The following TOM1L2 variants were observed in gnomAD, a reference collection of about 807,000 sequenced individuals.
TOM1L2 encodes the protein target of myb1 like 2 membrane trafficking protein, also known as TOM1-like protein 2.
TOM1L2 carries 31 observed loss-of-function variants against 67.9 expected under a neutral mutation model. The ratio of observed to expected loss-of-function variants is 0.46; its 90% CI spans 0.34 to 0.62. The LOEUF (loss-of-function observed/expected upper bound fraction) is 0.62. Among genes scored for constraint, TOM1L2 ranks in the 20% least tolerant of loss-of-function variants. The pLI is 0.01. For synonymous variants in TOM1L2, 256 were observed against 254.0 expected (o/e 1.01, Z -0.07); for missense variants, 606 against 663.5 (o/e 0.91, Z 0.95).
At chr17:17,852,864 TAAAAAA>T (rs552138706) in intron 12 of TOM1L2, among the ~76,000 whole-genome samples, 46 of 37,756 alleles carry the variant, frequency 1.2e-3, no homozygotes, top group Non-Finnish European at 1.7e-3. Flanking sequence ...AAACTCTGTC[TAAAAAA>T]AAAAAAAAAA....
chr17:17,935,689 T>TTA (rs1260692293), intron 1 of TOM1L2, among the ~76,000 whole-genome samples: 4 of 152,312 alleles, frequency 2.6e-5, no homozygotes, highest in Admixed American at 2.6e-4. Flanking sequence ...ATACACCTTA[T>TTA]TATACCATCT....
At chr17:17,864,369 C>T (rs574411279) in intron 10 of TOM1L2, among the ~76,000 whole-genome samples, 1 of 151,680 alleles carries the variant, frequency 6.6e-6, no homozygotes, top group Non-Finnish European at 1.5e-5. Flanking sequence ...CACCACCACG[C>T]CTGGCTAATT....
intron 2 of TOM1L2, among the ~76,000 whole-genome samples, chr17:17,903,182 C>T (rs187903136): frequency 6.6e-6 from 1 of 152,202 alleles, no homozygotes; most frequent in Non-Finnish European, 1.5e-5. Context: ...CCCTGCCCCC[C>T]ACCCAGCACT....
chr17:17,865,746 T>C (rs969260724), intron 10 of TOM1L2, among the ~76,000 whole-genome samples: 4 of 145,626 alleles, frequency 2.7e-5, no homozygotes, highest in African/African-American at 5.0e-5. Flanking sequence ...ACCTTTCTTT[T>C]TTTTTTTTTT....
intron 1 of TOM1L2, among the ~76,000 whole-genome samples, chr17:17,951,911 A>T (rs938251894): frequency 8.5e-5 from 13 of 152,104 alleles, no homozygotes; most frequent in Non-Finnish European, 1.9e-4. Flanking sequence ...GCAAACAGTC[A>T]CTCGGGCTCT....
At chr17:17,885,827 A>G (rs1439011385) in intron 4 of TOM1L2, among the ~76,000 whole-genome samples, 1 of 144,640 alleles carries the variant, frequency 6.9e-6, no homozygotes, top group African/African-American at 2.5e-5. Flanking sequence ...CAGGAGGCTG[A>G]GGCAGGAGAA....
intron 9 of TOM1L2, 67 bp from the exon 10 acceptor site, chr17:17,866,486 C>G: frequency 6.7e-7 from 1 of 1,497,352 alleles, no homozygotes; most frequent in South Asian, 1.3e-5. Context: ...TAGAAGCTGG[C>G]AAGGCAACTA....
chr17:17,880,816 C>T (rs2037684217), intron 6 of TOM1L2, among the ~76,000 whole-genome samples: 1 of 152,206 alleles, frequency 6.6e-6, no homozygotes, highest in Non-Finnish European at 1.5e-5. Flanking sequence ...ACACATACGG[C>T]CCTTGTTCCT....
intron 7 of TOM1L2, among the ~76,000 whole-genome samples, chr17:17,873,600 C>A (rs2037262804): frequency 6.6e-6 from 1 of 152,210 alleles, no homozygotes; most frequent in South Asian, 2.1e-4. Flanking sequence ...ACAAATACTC[C>A]CAGCACCGGC....
At chr17:17,871,707 C>A (rs893908393) in intron 7 of TOM1L2, among the ~76,000 whole-genome samples, 2 of 152,094 alleles carry the variant, frequency 1.3e-5, no homozygotes, top group Non-Finnish European at 2.9e-5. Flanking sequence ...ATTCTGAACT[C>A]TTGGTCCCCG....
rs556425834 is a variant in TOM1L2 at position 17,851,147 on chromosome 17, A to G, written c.1279-195T>C. 171 of 600,720 alleles carry G rather than the reference A, an allele frequency of 2.8e-4. 1 individual carries two copies. The East Asian group carries it at 4.4e-3, about 15-fold the overall frequency. The allele number at this position is 600,720 out of a possible 1,614,324, so 37.2% of individuals were successfully genotyped here. On this transcript the variant is annotated intron_variant, in intron 12 of 14. Coordinates refer to ENST00000379504, the MANE Select transcript of TOM1L2 (RefSeq NM_001082968.2). ...GTGTGAGATGGCAGGTGAGGAAAGC[A>G]ATGAGGTGCAAATGATAAGAAGCAG...
intron 1 of TOM1L2, among the ~76,000 whole-genome samples, chr17:17,931,452 C>T (rs917809019): frequency 6.6e-6 from 1 of 152,216 alleles, no homozygotes; most frequent in Non-Finnish European, 1.5e-5. Flanking sequence ...GTCTCTGAGC[C>T]TCAGTTTCCA....
At chr17:17,896,415 T>G (rs2038573503) in intron 3 of TOM1L2, among the ~76,000 whole-genome samples, 1 of 152,094 alleles carries the variant, frequency 6.6e-6, no homozygotes, top group Admixed American at 6.5e-5. Flanking sequence ...AGAGCAACAG[T>G]GGCAGGAACC....
chr17:17,927,993 G>C (rs1409686303), intron 1 of TOM1L2, among the ~76,000 whole-genome samples: 1 of 152,190 alleles, frequency 6.6e-6, no homozygotes, highest in Non-Finnish European at 1.5e-5. Context: ...GAAATTATAT[G>C]ATGTCTGGGA....
rs189642815 is a variant in TOM1L2 at position 17,945,637 on chromosome 17, A to T, written c.52+26625T>A. Among the ~76,000 whole-genome samples, 122 of 152,324 alleles carry T rather than the reference A, an allele frequency of 8.0e-4. 1 individual carries two copies. The highest frequency in any genetic ancestry group is 1.6e-4 in the Non-Finnish European group (11 of 68,040). ...TACAGCCTATACATCTTAGTTAATC[A>T]TTGATATTTTGTGAGCAAAAGTGAC... On this transcript the variant is annotated intron_variant, in intron 1 of 14. Coordinates refer to ENST00000379504, the MANE Select transcript of TOM1L2 (RefSeq NM_001082968.2).
intron 1 of TOM1L2, among the ~76,000 whole-genome samples, chr17:17,971,757 G>A (rs2042097731): frequency 6.6e-6 from 1 of 152,244 alleles, no homozygotes; most frequent in African/African-American, 2.4e-5. Context: ...ACCTCTAGCA[G>A]CAAAAGGAAG....
At chr17:17,961,348 G>A (rs1043123566) in intron 1 of TOM1L2, among the ~76,000 whole-genome samples, 3 of 152,066 alleles carry the variant, frequency 2.0e-5, no homozygotes, top group African/African-American at 4.8e-5. Flanking sequence ...ACCTGAGTCC[G>A]AGAAGTCCAG....
At chr17:17,895,266 A>G (rs1054874537) in intron 3 of TOM1L2, among the ~76,000 whole-genome samples, 1 of 152,176 alleles carries the variant, frequency 6.6e-6, no homozygotes, top group Non-Finnish European at 1.5e-5. Flanking sequence ...TAACTGGGGA[A>G]TGCCTCCTCA....
intron 2 of TOM1L2, among the ~76,000 whole-genome samples, chr17:17,903,835 C>T (rs1177595027): frequency 6.6e-6 from 1 of 151,858 alleles, no homozygotes; most frequent in Non-Finnish European, 1.5e-5. Flanking sequence ...GAGATTCAAA[C>T]TGAGAGATCC....
Sources: allele counts gnomAD v4.1 joint callset (sites outside exome capture counted in the v4.1 genomes callset), GRCh38; gene constraint gnomAD v4.1.1; transcripts MANE v1.5; gene names NCBI Gene and HGNC (gene_info 2026-07-23, HGNC 2026-07-21).